ATXN10: variants seen among roughly 807,000 people sequenced by gnomAD.
ATXN10 encodes the protein ataxin 10.
In ATXN10, 28 loss-of-function variants were observed where a neutral mutation model predicts 52.9. The ratio of observed to expected loss-of-function variants is 0.53; its 90% CI spans 0.39 to 0.73. The LOEUF (loss-of-function observed/expected upper bound fraction) is 0.73. ATXN10 is among the 30% of genes least tolerant of loss of function. ATXN10 has a pLI of 0.00. For synonymous variants in ATXN10, 226 were observed against 221.5 expected, an observed-to-expected ratio of 1.02 and a Z score of -0.18; for missense variants, 565 against 577.0, an observed-to-expected ratio of 0.98 and a Z score of 0.21.
chr22:45,818,318 G>C lies in ATXN10; in HGVS notation c.1237+11296G>C, dbSNP rs959253733. Among the ~76,000 whole-genome samples the C allele has an allele frequency of 6.6e-6, 1 of 152,140 alleles. No homozygotes were observed. The highest frequency in any genetic ancestry group is 6.5e-5 in the Admixed American group (1 of 15,284). On this transcript the variant is annotated intron_variant, in intron 10 of 11. Coordinates refer to ENST00000252934, the MANE Select transcript of ATXN10 (RefSeq NM_013236.4). This position sits in a 1 kb window ranked among gnomAD's most constrained non-coding sequence, Gnocchi z 4.6. ...GTGTCTTTAGAGCCATGGTCACTGC[G>C]TCCCTCTCTCTGCCTCAGGCCTCTG...
Position 45,835,112 on chromosome 22 carries a change from C to T in ATXN10, c.1238-7879C>T, listed in dbSNP as rs1929122970. 6.6e-6 allele frequency among the ~76,000 whole-genome samples: 1 copy of T among 152,196 alleles called. No homozygotes were observed. The highest frequency in any genetic ancestry group is 2.4e-5 in the African/African-American group (1 of 41,458). On this transcript the variant is annotated intron_variant, in intron 10 of 11. Transcript: ENST00000252934. The surrounding 1 kb of genome is among the most constrained non-coding windows in gnomAD (Gnocchi z 5.0). ...ACAGGATCCTTCACCGCCAAAACCC[C>T]GTGAATGTGAGGTACCTGTGAGCGC...
chr22:45,839,932 A>G (rs1025249292), intron 10 of ATXN10, among the ~76,000 whole-genome samples: 3 of 152,216 alleles, frequency 2.0e-5, no homozygotes, highest in Admixed American at 6.5e-5. Context: ...CACGTGGTGA[A>G]TGAGAGATAG....
At position 45,819,268 on chromosome 22, in the gene ATXN10, A is replaced by T. The variant is rs376594139; in HGVS notation, c.1237+12246A>T. 1.3e-5 allele frequency among the ~76,000 whole-genome samples: 2 copies of T among 149,450 alleles called. No homozygotes were observed. Among genetic ancestry groups the T allele is most frequent in the East Asian group, 3.9e-4 (2 of 5,118 alleles). Reference sequence around the variant, plus strand: ...AATAGAATAGGCTTTTATAATTCTTAACTTTGTATTTTAGAAATTTTGTAT... The same window carrying T: ...AATAGAATAGGCTTTTATAATTCTTTACTTTGTATTTTAGAAATTTTGTAT... On this transcript the variant is annotated intron_variant, in intron 10 of 11. Coordinates refer to ENST00000252934, the MANE Select transcript of ATXN10 (RefSeq NM_013236.4). This position sits in a 1 kb window ranked among gnomAD's most constrained non-coding sequence, Gnocchi z 4.5.
At chr22:45,676,050 A>C (rs1031602923) in intron 1 of ATXN10, 8 of 152,176 alleles carry the variant, frequency 5.3e-5, no homozygotes, top group African/African-American at 1.7e-4. Flanking sequence ...AGTCATGTTA[A>C]ATTCTTTCTG....
At chr22:45,756,365 G>A (rs1226103572) in intron 9 of ATXN10, among the ~76,000 whole-genome samples, 1 of 151,742 alleles carries the variant, frequency 6.6e-6, no homozygotes, top group African/African-American at 2.4e-5. Flanking sequence ...GGCTAATCTC[G>A]AGCCCCTGGG....
At position 45,677,021 on chromosome 22, in the gene ATXN10, A is replaced by G. The variant is rs1003319225; in HGVS notation, c.116+4842A>G. 12 of 152,234 alleles carry G rather than the reference A, an allele frequency of 7.9e-5. No individual in the cohort carries two copies. Among genetic ancestry groups the G allele is most frequent in the African/African-American group, 2.4e-4 (10 of 41,438 alleles). The allele number at this position is 152,234 out of a possible 1,614,324, so 9.4% of individuals were successfully genotyped here. The stretch of plus-strand genomic sequence containing the variant: ...GGCATTAGCCATATTTTAAGTGCTC[A>G]TTGGCCACATGTGATGTGACAGCAC... On this transcript the variant is annotated intron_variant, in intron 1 of 11. Coordinates refer to ENST00000252934, the MANE Select transcript of ATXN10 (RefSeq NM_013236.4). The surrounding 1 kb of genome is among the most constrained non-coding windows in gnomAD (Gnocchi z 4.1).
intron 6 of ATXN10, among the ~76,000 whole-genome samples, chr22:45,723,405 A>G (rs1268779182): frequency 6.6e-6 from 1 of 151,698 alleles, no homozygotes; most frequent in Non-Finnish European, 1.5e-5. Context: ...TGGGTTGTAT[A>G]GTGGTGTGGT....
chr22:45,767,683 A>G (rs1015342455), intron 9 of ATXN10, among the ~76,000 whole-genome samples: 14 of 152,270 alleles, frequency 9.2e-5, no homozygotes, highest in African/African-American at 3.1e-4. Flanking sequence ...GAAAGAAAGA[A>G]AAAAAAGGGA....
intron 9 of ATXN10, among the ~76,000 whole-genome samples, chr22:45,742,694 A>G (rs1273260441): frequency 1.3e-5 from 2 of 152,318 alleles, no homozygotes; most frequent in African/African-American, 4.8e-5. Context: ...ATGTTAGGGT[A>G]ATTTGTTATG....
At chr22:45,749,318 G>A (rs894558567) in intron 9 of ATXN10, among the ~76,000 whole-genome samples, 2 of 152,094 alleles carry the variant, frequency 1.3e-5, no homozygotes, top group African/African-American at 2.4e-5. Context: ...CTTGCTTGGA[G>A]CGATAGCAGG....
rs1342543131 is a variant in ATXN10 at position 45,701,945 on chromosome 22, A to G, written c.489-744A>G. Among the ~76,000 whole-genome samples the G allele has an allele frequency of 6.6e-6, 1 of 152,210 alleles. No individual in the cohort carries two copies. Among genetic ancestry groups the G allele is most frequent in the Non-Finnish European group, 1.5e-5 (1 of 68,030 alleles). The stretch of plus-strand genomic sequence containing the variant: ...GTTTTGTTATTGTATTTTATTTTTT[A>G]TACCAGAAAACATATTAAGAGAGGT... On this transcript the variant is annotated intron_variant, in intron 4 of 11. Coordinates refer to ENST00000252934, the MANE Select transcript of ATXN10 (RefSeq NM_013236.4). This position sits in a 1 kb window ranked among gnomAD's most constrained non-coding sequence, Gnocchi z 4.2.
chr22:45,777,927 T>C (rs1050964695), intron 9 of ATXN10, among the ~76,000 whole-genome samples: 4 of 152,228 alleles, frequency 2.6e-5, no homozygotes, highest in African/African-American at 9.6e-5. Context: ...TTGATTCTTA[T>C]GAGGATTTAA....
Position 45,837,237 on chromosome 22 carries a change from C to A in ATXN10, c.1238-5754C>A, listed in dbSNP as rs544851557. Among the ~76,000 whole-genome samples the A allele has an allele frequency of 6.6e-6, 1 of 152,116 alleles. No individual in the cohort carries two copies. The highest frequency in any genetic ancestry group is 2.4e-5 in the African/African-American group (1 of 41,502). ...TTACATAATGCATATTTTTTCAGTG[C>A]CAGTACTTTTTAAGGTTGGTTTGTT... On this transcript the variant is annotated intron_variant, in intron 10 of 11. Transcript: ENST00000252934. The surrounding 1 kb of genome is among the most constrained non-coding windows in gnomAD (Gnocchi z 5.8).
At chr22:45,725,338 G>A (rs1442153249) in intron 6 of ATXN10, among the ~76,000 whole-genome samples, 1 of 147,334 alleles carries the variant, frequency 6.8e-6, no homozygotes, top group Admixed American at 6.7e-5. Flanking sequence ...TTTCAGCCAT[G>A]TTTTATAGTT....
At chr22:45,804,992 C>G in intron 9 of ATXN10, among the ~76,000 whole-genome samples, 1 of 152,208 alleles carries the variant, frequency 6.6e-6, no homozygotes, top group Non-Finnish European at 1.5e-5. Context: ...AGCAGTCCAT[C>G]AGCAATCTTC....
At chr22:45,811,375 T>G (rs1194299582) in intron 10 of ATXN10, among the ~76,000 whole-genome samples, 1 of 152,192 alleles carries the variant, frequency 6.6e-6, no homozygotes, top group African/African-American at 2.4e-5. Flanking sequence ...GTCTGAGATG[T>G]GTTTCTTGTA....
At chr22:45,751,804 G>T (rs1925984408) in intron 9 of ATXN10, among the ~76,000 whole-genome samples, 4 of 138,384 alleles carry the variant, frequency 2.9e-5, no homozygotes, top group African/African-American at 5.3e-5. Context: ...GGAAATGTCT[G>T]TCCCACATCT....
intron 9 of ATXN10, among the ~76,000 whole-genome samples, chr22:45,801,399 T>C (rs1324816043): frequency 6.6e-6 from 1 of 152,198 alleles, no homozygotes; most frequent in African/African-American, 2.4e-5. Context: ...TACTTCTGCT[T>C]GAGTCACACC....
chr22:45,833,815 AGGTCTCT>A lies in ATXN10; in HGVS notation c.1238-9175_1238-9169del, dbSNP rs1929070813. ...GAAGAAGAACTGCTCTGCCCTCCAGAGGTCTCTCTGGATGGACTGGTCGCGAGAGCAC... is the reference window on the plus strand; with the variant it reads ...GAAGAAGAACTGCTCTGCCCTCCAGACTGGATGGACTGGTCGCGAGAGCAC... On this transcript the variant is annotated intron_variant, in intron 10 of 11. Coordinates refer to ENST00000252934, the MANE Select transcript of ATXN10 (RefSeq NM_013236.4). This position sits in a 1 kb window ranked among gnomAD's most constrained non-coding sequence, Gnocchi z 4.3. Among the ~76,000 whole-genome samples the A allele has an allele frequency of 4.6e-5, 7 of 152,124 alleles. No individual in the cohort carries two copies. Among genetic ancestry groups the A allele is most frequent in the Admixed American group, 4.6e-4 (7 of 15,274 alleles).
Sources: gnomAD v4.1 joint callset for allele counts (sites outside exome capture counted in the v4.1 genomes callset) on GRCh38, gnomAD v4.1.1 for gene constraint, Gnocchi (gnomAD v3.1) non-coding constraint, MANE v1.5 for transcripts, NCBI Gene and HGNC (gene_info 2026-07-23, HGNC 2026-07-21) for gene names.